CCDC138: variants seen among roughly 807,000 people sequenced by gnomAD.
CCDC138 encodes the protein coiled-coil domain containing 138.
In CCDC138, 66 loss-of-function variants were observed where a neutral mutation model predicts 82.3. That is an observed-to-expected ratio of 0.80 (90% CI 0.66 to 0.98). The LOEUF is 0.98. Among genes scored for constraint, CCDC138 ranks in the 50% least tolerant of loss-of-function variants. CCDC138 has a pLI of 0.00. For synonymous variants in CCDC138, 297 were observed against 265.4 expected (o/e 1.12, Z -1.16); for missense variants, 816 against 758.9 (o/e 1.08, Z -0.88).
intron 7 of CCDC138, among the ~76,000 whole-genome samples, chr2:108,806,168 T>A (rs1682848561): frequency 6.6e-6 from 1 of 152,224 alleles, no homozygotes; most frequent in Non-Finnish European, 1.5e-5. Context: ...TGGCTGTTAC[T>A]ATTAGACTTA....
At chr2:108,878,266 C>T (rs1022461223), downstream of CCDC138, 1 of 158,998 alleles carries the variant, frequency 6.3e-6, no homozygotes, top group East Asian at 1.8e-4. Context: ...GCTCTTCCTT[C>T]CTCCATCATC....
intron 4 of CCDC138, among the ~76,000 whole-genome samples, chr2:108,792,284 CACA>C (rs966177832): frequency 1.3e-5 from 2 of 152,174 alleles, no homozygotes; most frequent in African/African-American, 4.8e-5. Context: ...ATGGTCTACA[CACA>C]ACAACATTCA....
chr2:108,868,950 T>A (rs1694838950), intron 13 of CCDC138, among the ~76,000 whole-genome samples: 1 of 152,178 alleles, frequency 6.6e-6, no homozygotes, highest in Non-Finnish European at 1.5e-5. Flanking sequence ...ATAAGTTGGA[T>A]TTTCTCTACG....
chr2:108,852,672 G>C lies in CCDC138; in HGVS notation c.1517-4122G>C, dbSNP rs146040553. Among the ~76,000 whole-genome samples the C allele has an allele frequency of 1.6e-4, 24 of 152,270 alleles. 1 individual carries two copies. The highest frequency in any genetic ancestry group is 3.4e-3 in the Middle Eastern group (1 of 294). On this transcript the variant is annotated intron_variant, in intron 12 of 14. Transcript: ENST00000295124. ...AGGAACAGAAAATCAAATAACACAT[G>C]TTCTCATTTATAAGTGGGAGCTAAA...
At chr2:108,853,929 A>AG (rs1692045481) in intron 12 of CCDC138, among the ~76,000 whole-genome samples, 4 of 125,066 alleles carry the variant, frequency 3.2e-5, no homozygotes, top group African/African-American at 1.2e-4. Flanking sequence ...TATATTATAT[A>AG]TAATTTATAT....
At chr2:108,847,682 C>A (rs1224253485) in intron 12 of CCDC138, among the ~76,000 whole-genome samples, 3 of 152,072 alleles carry the variant, frequency 2.0e-5, no homozygotes, top group Non-Finnish European at 2.9e-5. Context: ...AATAAATATA[C>A]CATCTTTCTG....
chr2:108,873,665 T>A, intron 14 of CCDC138, 76 bp downstream of exon 14: 1 of 1,072,400 alleles, frequency 9.3e-7, no homozygotes, highest in African/African-American at 1.6e-5. Context: ...GGTTTTAATC[T>A]TTTGGCTTCC....
At chr2:108,788,771 T>G in intron 2 of CCDC138, 81 bp from the exon 3 acceptor site, 1 of 1,527,240 alleles carries the variant, frequency 6.5e-7, no homozygotes, top group Non-Finnish European at 8.8e-7. Context: ...AAAAATAGTA[T>G]TATTTAGACT....
chr2:108,828,806 A>G (rs1024012780), intron 10 of CCDC138, among the ~76,000 whole-genome samples: 3 of 152,022 alleles, frequency 2.0e-5, no homozygotes, highest in African/African-American at 7.2e-5. Flanking sequence ...GTGAAACCCT[A>G]TCTGTACTAA....
chr2:108,807,423 G>A (rs924131695), intron 7 of CCDC138, among the ~76,000 whole-genome samples: 1 of 152,090 alleles, frequency 6.6e-6, no homozygotes, highest in Non-Finnish European at 1.5e-5. Context: ...GGGGTACAGT[G>A]ATATTTGATA....
At position 108,788,767 on chromosome 2, in the gene CCDC138, A is replaced by T. The variant is rs1679397616; in HGVS notation, c.152-85A>T. 5 of 1,498,838 alleles carry T rather than the reference A, an allele frequency of 3.3e-6. No individual in the cohort carries two copies. In the South Asian group the frequency reaches 6.5e-5, roughly 20 times the overall value. 92.8% of individuals were successfully genotyped at this position (1,498,838 alleles called of 1,614,324 possible). A position where few individuals can be genotyped will look rare whatever the true frequency, so the allele number is the denominator to read the frequency against. On this transcript the variant is annotated intron_variant, in intron 2 of 14. Transcript: ENST00000295124. Reference sequence around the variant, plus strand: ...ATTTGAGAGAGAAGATTTTAAAAATAGTATTATTTAGACTTATGGCCAGTG... The same window carrying T: ...ATTTGAGAGAGAAGATTTTAAAAATTGTATTATTTAGACTTATGGCCAGTG...
chr2:108,880,763 C>A (rs377310835), downstream of CCDC138, among the ~76,000 whole-genome samples: 1 of 152,272 alleles, frequency 6.6e-6, no homozygotes, highest in African/African-American at 2.4e-5. Flanking sequence ...AAAAAAGACT[C>A]CTCTGAAAAC....
intron 13 of CCDC138, among the ~76,000 whole-genome samples, chr2:108,869,663 A>G (rs1299378833): frequency 6.6e-6 from 1 of 152,112 alleles, no homozygotes; most frequent in Non-Finnish European, 1.5e-5. Flanking sequence ...AAATTAAGAC[A>G]TTTACAGGCA....
At chr2:108,814,945 T>C (rs983634395) in intron 9 of CCDC138, among the ~76,000 whole-genome samples, 6 of 152,098 alleles carry the variant, frequency 3.9e-5, no homozygotes, top group Non-Finnish European at 7.4e-5. Flanking sequence ...CTGCAGATTT[T>C]TAAAAAAATA....
At chr2:108,787,089 C>CTGCGGAGG (rs1017472264) in intron 1 of CCDC138, among the ~76,000 whole-genome samples, 174 bp downstream of exon 1, 11 of 152,048 alleles carry the variant, frequency 7.2e-5, no homozygotes, top group Non-Finnish European at 1.5e-4. Context: ...GGGCGTTGCG[C>CTGCGGAGG]TGCGGGGGTG....
Position 108,798,564 on chromosome 2 carries a change from C to G in CCDC138, c.713C>G (p.Thr238Arg), listed in dbSNP as rs765916341. ...KIKGVEEEVLTRFQIIKEQHD... is the reference protein window; with the variant it reads ...KIKGVEEEVLRRFQIIKEQHD... ...AAAGGTGTTGAAGAAGAGGTTCTTA[C>G]AAGATTTCAAATTATAAAAGAGGTA... Residue 238 changes from threonine to arginine, a missense_variant, in exon 6 of 15, where the codon ACA (threonine) becomes AGA (arginine). Thr to Arg is a moderately conservative substitution (Grantham distance 71). Coordinates refer to ENST00000295124, the MANE Select transcript of CCDC138 (RefSeq NM_144978.3). The G allele has an allele frequency of 2.5e-6, 4 of 1,609,822 alleles. No individual in the cohort carries two copies. In the Admixed American group the frequency reaches 5.1e-5, roughly 20 times the overall value.
chr2:108,859,858 T>C (rs1454558124), intron 13 of CCDC138, among the ~76,000 whole-genome samples: 1 of 152,174 alleles, frequency 6.6e-6, no homozygotes, highest in African/African-American at 2.4e-5. Flanking sequence ...GGTAATTTGA[T>C]AGGAATTGTG....
At chr2:108,855,862 CT>C in intron 12 of CCDC138, among the ~76,000 whole-genome samples, 1 of 152,126 alleles carries the variant, frequency 6.6e-6, no homozygotes, top group East Asian at 1.9e-4. Flanking sequence ...TTCTGTTGTA[CT>C]TTCAGTATTT....
chr2:108,839,049 A>G (rs1456085065), intron 10 of CCDC138, 136 bp from the exon 11 acceptor site: 2 of 910,616 alleles, frequency 2.2e-6, no homozygotes, highest in Admixed American at 6.3e-5. Context: ...TATAGTTTTA[A>G]AGTGAAGGTT....
Sources: gnomAD v4.1 joint callset for allele counts (sites outside exome capture counted in the v4.1 genomes callset) on GRCh38, gnomAD v4.1.1 for gene constraint, MANE v1.5 for transcripts, NCBI Gene and HGNC (gene_info 2026-07-23, HGNC 2026-07-21) for gene names.